SEPTIN9: variants seen among roughly 807,000 people sequenced by gnomAD.
SEPTIN9 encodes the protein septin-9.
In SEPTIN9, 13 loss-of-function variants were observed where a neutral mutation model predicts 56.6. The observed-to-expected ratio is 0.23, with a 90% confidence interval of 0.15 to 0.37. The LOEUF is 0.37. SEPTIN9 is among the 10% of genes least tolerant of loss of function. The probability of loss-of-function intolerance (pLI) is 1.00; values close to 1 mark genes in which losing one functional copy is unlikely to be tolerated. For synonymous variants in SEPTIN9, 332 were observed against 334.1 expected, an observed-to-expected ratio of 0.99 and a Z score of 0.07; for missense variants, 650 against 823.1, an observed-to-expected ratio of 0.79 and a Z score of 2.57.
chr17:77,362,716 C>G (rs1002033300), intron 2 of SEPTIN9, among the ~76,000 whole-genome samples: 1 of 152,212 alleles, frequency 6.6e-6, no homozygotes, highest in East Asian at 1.9e-4. Context: ...GGCTTCAACA[C>G]GTTCGTCACA....
rs1478189648 is a variant in SEPTIN9 at position 77,450,001 on chromosome 17, C to T, written c.722-32143C>T. Among the ~76,000 whole-genome samples, 2 of 152,188 alleles carry T rather than the reference C, an allele frequency of 1.3e-5. No homozygotes were observed. The highest frequency in any genetic ancestry group is 1.9e-4 in the East Asian group (1 of 5,180). Reference sequence around the variant, plus strand: ...TCTGATCTGCCACCAGCCTCCCTCCCATTCAGATGGGAACAGGGACTCCGG... The same window carrying T: ...TCTGATCTGCCACCAGCCTCCCTCCTATTCAGATGGGAACAGGGACTCCGG... On this transcript the variant is annotated intron_variant, in intron 3 of 11. Coordinates refer to ENST00000427177, the MANE Select transcript of SEPTIN9 (RefSeq NM_001113491.2). This position sits in a 1 kb window ranked among gnomAD's most constrained non-coding sequence, Gnocchi z 6.0.
intron 2 of SEPTIN9, among the ~76,000 whole-genome samples, chr17:77,385,307 A>C (rs1472188018): frequency 6.6e-6 from 1 of 151,548 alleles, no homozygotes; most frequent in Non-Finnish European, 1.5e-5. Flanking sequence ...GATTACAGAC[A>C]CTCATATTTG....
chr17:77,425,404 A>G lies in SEPTIN9; in HGVS notation c.721+22701A>G, dbSNP rs1006310330. Reference sequence around the variant, plus strand: ...AGGGCTTCAGAGGTCCGGGAGGGGGATGTGACCGTGTCCCCAGGGTGAAGC... The same window carrying G: ...AGGGCTTCAGAGGTCCGGGAGGGGGGTGTGACCGTGTCCCCAGGGTGAAGC... On this transcript the variant is annotated intron_variant, in intron 3 of 11. Transcript: ENST00000427177. This position sits in a 1 kb window ranked among gnomAD's most constrained non-coding sequence, Gnocchi z 4.2. Among the ~76,000 whole-genome samples, 7 of 151,864 alleles carry G rather than the reference A, an allele frequency of 4.6e-5. No homozygotes were observed. The highest frequency in any genetic ancestry group is 3.3e-4 in the Admixed American group (5 of 15,262).
chr17:77,477,364 A>G (rs2039259997), intron 3 of SEPTIN9, among the ~76,000 whole-genome samples: 1 of 152,126 alleles, frequency 6.6e-6, no homozygotes, highest in Non-Finnish European at 1.5e-5. Context: ...CTACAGATGT[A>G]CTTATTCTGA....
intron 2 of SEPTIN9, among the ~76,000 whole-genome samples, chr17:77,344,958 C>A (rs993840707): frequency 9.2e-6 from 1 of 108,124 alleles, no homozygotes; most frequent in Non-Finnish European, 1.7e-5. Context: ...GGCGACAGAG[C>A]AAGACTGCCT....
intron 3 of SEPTIN9, among the ~76,000 whole-genome samples, chr17:77,442,603 T>C (rs2037590128): frequency 6.7e-6 from 1 of 149,318 alleles, no homozygotes; most frequent in South Asian, 2.2e-4. Context: ...CCGGGTGCGA[T>C]GGCTCACGCC....
At chr17:77,357,076 G>A (rs537652748) in intron 2 of SEPTIN9, among the ~76,000 whole-genome samples, 62 of 152,142 alleles carry the variant, frequency 4.1e-4, no homozygotes, top group African/African-American at 1.1e-3. Flanking sequence ...ACAAGGTGTC[G>A]GAGGAAGGGG....
chr17:77,331,829 G>C (rs2033375653), intron 2 of SEPTIN9, among the ~76,000 whole-genome samples: 1 of 152,234 alleles, frequency 6.6e-6, no homozygotes, highest in Admixed American at 6.5e-5. Flanking sequence ...GTCCTAACTG[G>C]GCGGGGAAAG....
intron 1 of SEPTIN9, among the ~76,000 whole-genome samples, chr17:77,302,250 A>C (rs995416381): frequency 6.6e-6 from 1 of 152,004 alleles, no homozygotes; most frequent in Non-Finnish European, 1.5e-5. Flanking sequence ...ATTGCTTGAG[A>C]CCAGGAGTTT....
intron 10 of SEPTIN9, among the ~76,000 whole-genome samples, chr17:77,493,765 C>CTTTTTTTTT (rs35829686): frequency 5.4e-5 from 6 of 111,444 alleles, no homozygotes; most frequent in Non-Finnish European, 5.3e-5. Context: ...CCTCCTCTTC[C>CTTTTTTTTT]TTTTTTTTTT....
At chr17:77,474,305 G>A (rs2039123245) in intron 3 of SEPTIN9, among the ~76,000 whole-genome samples, 2 of 152,250 alleles carry the variant, frequency 1.3e-5, no homozygotes, top group Admixed American at 6.5e-5. Context: ...CTGTGTCCTG[G>A]GAGAGCCATA....
At chr17:77,384,289 G>A (rs1338210044) in intron 2 of SEPTIN9, among the ~76,000 whole-genome samples, 1 of 152,262 alleles carries the variant, frequency 6.6e-6, no homozygotes, top group Admixed American at 6.5e-5. Context: ...CTTTGTTCCC[G>A]CTTGTCATTC....
chr17:77,413,940 CT>C (rs202194441), intron 3 of SEPTIN9, among the ~76,000 whole-genome samples: 5,079 of 125,698 alleles, frequency 0.04, 213 homozygotes, highest in African/African-American at 0.11. Context: ...TCAGTATTTT[CT>C]TTTTTTTTTT....
At chr17:77,496,611 G>A (rs9901430) in intron 10 of SEPTIN9, among the ~76,000 whole-genome samples, 4,366 of 152,348 alleles carry the variant, frequency 0.029, 110 homozygotes, top group African/African-American at 0.052. Context: ...GAGCCCGAGG[G>A]CACTTGTGGG....
intron 2 of SEPTIN9, among the ~76,000 whole-genome samples, chr17:77,344,873 G>A (rs1568004790): frequency 6.7e-6 from 1 of 150,186 alleles, no homozygotes; most frequent in Non-Finnish European, 1.5e-5. Context: ...TAGGGAGGCT[G>A]AGGCAGGAGA....
chr17:77,498,983 T>C lies in SEPTIN9; in HGVS notation c.*325T>C, dbSNP rs448203. ...AGCTTCGGTGTGCAGATCATCCGTC[T>C]GTGTGGGGTTCTCAGTGCCGGAGGC... On this transcript the variant is annotated 3_prime_UTR_variant, in exon 12 of 12. Transcript: ENST00000427177. The C allele has an allele frequency of 0.52, 282,414 of 540,880 alleles. 81,005 individuals carry two copies. Among genetic ancestry groups the C allele is most frequent in the East Asian group, 0.91 (23,440 of 25,806 alleles). 33.5% of individuals were successfully genotyped at this position (540,880 alleles called of 1,614,324 possible). A position where few individuals can be genotyped will look rare whatever the true frequency, so the allele number is the denominator to read the frequency against.
At position 77,307,275 on chromosome 17, in the gene SEPTIN9, A is replaced by G. The variant is rs1236493839; in HGVS notation, c.76+78A>G. ...TGGGGTCCCTTCATTCTGGTCTGGG[A>G]CCTGCCTCCCCACCTGGCTTCCCTG... On this transcript the variant is annotated intron_variant, in intron 2 of 11. Coordinates refer to ENST00000427177, the MANE Select transcript of SEPTIN9 (RefSeq NM_001113491.2). 8.3e-6 allele frequency: 11 copies of G among 1,331,044 alleles called. No individual in the cohort carries two copies. The African/African-American group carries it at 1.6e-4, about 19-fold the overall frequency. 82.5% of individuals were successfully genotyped at this position (1,331,044 alleles called of 1,614,324 possible).
intron 1 of SEPTIN9, among the ~76,000 whole-genome samples, chr17:77,286,119 C>T (rs539700056): frequency 6.6e-5 from 10 of 152,358 alleles, no homozygotes; most frequent in Non-Finnish European, 8.8e-5. Context: ...AAAGCCACCT[C>T]GTACGGTTAG....
At position 77,401,252 on chromosome 17, in the gene SEPTIN9, G is replaced by A. The variant is rs187929017; in HGVS notation, c.77-807G>A. Among the ~76,000 whole-genome samples, 77 of 152,258 alleles carry A rather than the reference G, an allele frequency of 5.1e-4. 2 individuals are homozygous for A. The highest frequency in any genetic ancestry group is 3.4e-3 in the Middle Eastern group (1 of 294). ...AGCTCGGTAGGCCCGGCGCCTCGCC[G>A]GCACTGAAAGCTCCAGTGTCCGCCC... On this transcript the variant is annotated intron_variant, in intron 2 of 11. Coordinates refer to ENST00000427177, the MANE Select transcript of SEPTIN9 (RefSeq NM_001113491.2).
Sources: allele counts gnomAD v4.1 joint callset (sites outside exome capture counted in the v4.1 genomes callset), GRCh38; gene constraint gnomAD v4.1.1; non-coding constraint Gnocchi (gnomAD v3.1); transcripts MANE v1.5; gene names NCBI Gene and HGNC (gene_info 2026-07-23, HGNC 2026-07-21).